The following PAX2 variants were observed in gnomAD, a reference collection of about 807,000 sequenced individuals.
The protein encoded by PAX2 is paired box 2, also known as paired box protein Pax-2.
PAX2 carries 9 observed loss-of-function variants against 41.7 expected under a neutral mutation model. The ratio of observed to expected loss-of-function variants is 0.22; its 90% confidence interval spans 0.13 to 0.38. The LOEUF is 0.38. PAX2 is among the 10% of genes least tolerant of loss of function. The probability of loss-of-function intolerance (pLI) is 1.00; values close to 1 mark genes in which losing one functional copy is unlikely to be tolerated. For missense variants in PAX2, 418 were observed against 531.6 expected, an observed-to-expected ratio of 0.79 and a Z score of 2.10; for synonymous variants, 221 against 212.7, an observed-to-expected ratio of 1.04 and a Z score of -0.34.
chr10:100,826,793 G>C lies in PAX2; in HGVS notation c.1022-216G>C, dbSNP rs1848581837. Among the ~76,000 whole-genome samples the C allele has an allele frequency of 6.6e-6, 1 of 152,188 alleles. No homozygotes were observed. The highest frequency in any genetic ancestry group is 1.9e-4 in the East Asian group (1 of 5,166). On this transcript the variant is annotated intron_variant, in intron 8 of 9. Coordinates refer to ENST00000355243, the MANE Select transcript of PAX2 (RefSeq NM_000278.5). This position sits in a 1 kb window ranked among gnomAD's most constrained non-coding sequence, Gnocchi z 5.5. ...CCACAGGTCCCGCCCGTGGGTGTGC[G>C]AGCGCGTCGGTGCCTCCCGCCTCCC...
intron 3 of PAX2, among the ~76,000 whole-genome samples, chr10:100,758,394 C>T (rs1845715042): frequency 6.6e-6 from 1 of 152,048 alleles, no homozygotes; most frequent in Admixed American, 6.5e-5. Context: ...CCCGCCTCGG[C>T]CTCCCAGATT....
chr10:100,826,969 C>T lies in PAX2; in HGVS notation c.1022-40C>T. On this transcript the variant is annotated intron_variant, in intron 8 of 9. Transcript: ENST00000355243. This position sits in a 1 kb window ranked among gnomAD's most constrained non-coding sequence, Gnocchi z 5.5. Reference sequence around the variant, plus strand: ...GCCGGACTCGTGGGGTCCGCCCTGGCTTGCAGGCGTCTGATCCCCACTCCC... The same window carrying T: ...GCCGGACTCGTGGGGTCCGCCCTGGTTTGCAGGCGTCTGATCCCCACTCCC... 2 of 1,428,522 alleles carry T rather than the reference C, an allele frequency of 1.4e-6. No individual in the cohort carries two copies. The highest frequency in any genetic ancestry group is 2.0e-6 in the Non-Finnish European group (2 of 1,012,688). The allele number at this position is 1,428,522 out of a possible 1,614,324, so 88.5% of individuals were successfully genotyped here.
chr10:100,789,082 G>A (rs1354267806), intron 5 of PAX2, among the ~76,000 whole-genome samples: 1 of 152,052 alleles, frequency 6.6e-6, no homozygotes, highest in African/African-American at 2.4e-5. Flanking sequence ...GTTGGTAGGG[G>A]GCAGCTGAGC....
chr10:100,811,129 G>A (rs1033917170), intron 7 of PAX2, among the ~76,000 whole-genome samples: 1 of 152,112 alleles, frequency 6.6e-6, no homozygotes, highest in African/African-American at 2.4e-5. Context: ...ACAAGTGTGT[G>A]GAGAGGTGGG....
chr10:100,825,200 G>A (rs1848506975), intron 8 of PAX2, among the ~76,000 whole-genome samples: 2 of 152,152 alleles, frequency 1.3e-5, no homozygotes, highest in African/African-American at 4.8e-5. Flanking sequence ...CAAGACACAA[G>A]GGAAGACCAA....
chr10:100,803,220 G>A (rs1188625170), intron 5 of PAX2, among the ~76,000 whole-genome samples: 2 of 152,238 alleles, frequency 1.3e-5, no homozygotes, highest in Middle Eastern at 3.4e-3. Context: ...CCTGCAGTAA[G>A]TGTCCTCACC....
rs1847793667 is a variant in PAX2, at chr10:100,806,645, C to T, written c.792+40C>T. ...TTCTGCTTGCAGAAGTAGAAAGGAG[C>T]CGGCAGAGCAAGGCCTCTCAAAAAC... On this transcript the variant is annotated intron_variant, in intron 6 of 9. Transcript: ENST00000355243. The T allele has an allele frequency of 2.5e-6, 4 of 1,588,692 alleles. No individual in the cohort carries two copies. The African/African-American group carries it at 5.4e-5, about 21-fold the overall frequency.
intron 5 of PAX2, among the ~76,000 whole-genome samples, chr10:100,802,610 CAG>C (rs986473832): frequency 2.0e-5 from 3 of 152,188 alleles, no homozygotes; most frequent in African/African-American, 7.2e-5. Context: ...AACCTTCTGC[CAG>C]AGGTATGGCT....
intron 5 of PAX2, among the ~76,000 whole-genome samples, chr10:100,804,856 C>T (rs1367550662): frequency 1.3e-5 from 2 of 152,252 alleles, no homozygotes; most frequent in East Asian, 3.9e-4. Context: ...CAGAAGAAAC[C>T]ACAACCACCA....
At chr10:100,799,617 T>C (rs1298121763) in intron 5 of PAX2, among the ~76,000 whole-genome samples, 1 of 152,108 alleles carries the variant, frequency 6.6e-6, no homozygotes, top group Non-Finnish European at 1.5e-5. Context: ...GTTGAACAAA[T>C]AATTTTGCCT....
At chr10:100,776,259 G>A (rs912806126) in intron 3 of PAX2, among the ~76,000 whole-genome samples, 6 of 152,124 alleles carry the variant, frequency 3.9e-5, no homozygotes, top group African/African-American at 7.2e-5. Context: ...TACTCCCTAT[G>A]CATTCCCTAA....
At chr10:100,798,881 T>TG (rs1173950411) in intron 5 of PAX2, among the ~76,000 whole-genome samples, 1 of 152,076 alleles carries the variant, frequency 6.6e-6, no homozygotes, top group Non-Finnish European at 1.5e-5. Flanking sequence ...TGTGCCGCCG[T>TG]GGGGGTGGGG....
chr10:100,809,344 C>A, intron 7 of PAX2, 108 bp downstream of exon 7: 1 of 1,135,334 alleles, frequency 8.8e-7, no homozygotes, highest in Non-Finnish European at 1.3e-6. Context: ...GTGATATTTA[C>A]AGAGAGAACG....
chr10:100,793,947 C>G (rs147059031), intron 5 of PAX2, among the ~76,000 whole-genome samples: 25 of 152,236 alleles, frequency 1.6e-4, no homozygotes, highest in Non-Finnish European at 2.9e-4. Flanking sequence ...TCATTAAATG[C>G]CCAGACACAT....
At chr10:100,747,638 C>T (rs746866024) in intron 1 of PAX2, 267 of 983,868 alleles carry the variant, frequency 2.7e-4, no homozygotes, top group Non-Finnish European at 3.0e-4. Context: ...GTGTTTTTCG[C>T]TAATCATATA....
rs544051949 is a variant in PAX2, at chr10:100,777,816, A to G, written c.411-1682A>G. 1.3e-3 allele frequency among the ~76,000 whole-genome samples: 205 copies of G among 152,358 alleles called. 1 individual carries two copies. The highest frequency in any genetic ancestry group is 4.7e-3 in the African/African-American group (197 of 41,584). ...GCGAATTAACAGTAATATATATGTC[A>G]TATAAATTGTGTATAATATTGGCAC... is the stretch of plus-strand genomic sequence containing the variant. On this transcript the variant is annotated intron_variant, in intron 3 of 9. Transcript: ENST00000355243.
At position 100,746,230 on chromosome 10, in the gene PAX2, G is replaced by A; in HGVS notation, c.-31G>A. The A allele has an allele frequency of 1.9e-6, 3 of 1,613,208 alleles. No individual in the cohort carries two copies. The highest frequency in any genetic ancestry group is 2.5e-6 in the Non-Finnish European group (3 of 1,179,738). On this transcript the variant is annotated 5_prime_UTR_variant, in exon 1 of 10. Coordinates refer to ENST00000355243, the MANE Select transcript of PAX2 (RefSeq NM_000278.5). ...GTTTGAGAGGCGACACGGCGGCGGC[G>A]GCCGCGCTGCTCCCGCTCCTCTGCC...
At chr10:100,799,149 G>A (rs1029606588) in intron 5 of PAX2, among the ~76,000 whole-genome samples, 4 of 152,334 alleles carry the variant, frequency 2.6e-5, no homozygotes, top group Admixed American at 6.5e-5. Flanking sequence ...CCATCAGAAC[G>A]GGCAGAGCCC....
chr10:100,796,303 A>C (rs1847334775), intron 5 of PAX2, among the ~76,000 whole-genome samples: 1 of 152,218 alleles, frequency 6.6e-6, no homozygotes, highest in Non-Finnish European at 1.5e-5. Context: ...ACAATACCAT[A>C]TAAACAGCTT....
Sources: gnomAD v4.1 joint callset for allele counts (sites outside exome capture counted in the v4.1 genomes callset) on GRCh38, gnomAD v4.1.1 for gene constraint, Gnocchi (gnomAD v3.1) non-coding constraint, MANE v1.5 for transcripts, NCBI Gene and HGNC (gene_info 2026-07-23, HGNC 2026-07-21) for gene names.